CCSER2: variants seen among roughly 807,000 people sequenced by gnomAD.
The protein encoded by CCSER2 is serine-rich coiled-coil domain-containing protein 2.
A neutral mutation model predicts 92.3 loss-of-function variants in CCSER2; 46 were observed. The ratio of observed to expected loss-of-function variants is 0.50; its 90% confidence interval spans 0.39 to 0.64. The LOEUF is 0.64. CCSER2 is among the 30% of genes least tolerant of loss of function. The probability of loss-of-function intolerance (pLI) is 0.00; values close to 1 mark genes in which losing one functional copy is unlikely to be tolerated. For missense variants in CCSER2, 1,244 were observed against 1,238.9 expected, an observed-to-expected ratio of 1.00 and a Z score of -0.06; for synonymous variants, 433 against 431.4, an observed-to-expected ratio of 1.00 and a Z score of -0.04.
Position 84,445,932 on chromosome 10 carries a change from A to G in CCSER2, c.2064+7225A>G, listed in dbSNP as rs1372785719. Among the ~76,000 whole-genome samples the G allele has an allele frequency of 2.0e-5, 3 of 152,124 alleles. No individual in the cohort carries two copies. In the East Asian group the frequency reaches 5.8e-4, roughly 29 times the overall value. ...GTATTCTAGTATGTGTCTTTTGGTG[A>G]ACATATGTATGCATTTTTATTGTAT... On this transcript the variant is annotated intron_variant, in intron 6 of 9. Coordinates refer to ENST00000372088, the MANE Select transcript of CCSER2 (RefSeq NM_001284240.2).
At position 84,373,812 on chromosome 10, in the gene CCSER2, C is replaced by T. The variant is rs759249078; in HGVS notation, c.1611C>T (p.Ser537=). 1 of 1,613,590 alleles carries T rather than the reference C, an allele frequency of 6.2e-7. No individual in the cohort carries two copies. The highest frequency in any genetic ancestry group is 8.5e-7 in the Non-Finnish European group (1 of 1,179,706). The part of the protein sequence containing the change: ...VGSYESSEMN[S]IDILNNLESC... Reference sequence around the variant, plus strand: ...GCTATGAGTCCTCTGAAATGAACAGCATAGTATGTATGGATTTATATACTC... The same window carrying T: ...GCTATGAGTCCTCTGAAATGAACAGTATAGTATGTATGGATTTATATACTC... Residue 537 remains serine (S), a synonymous_variant, in exon 3 of 10, where the codon AGC becomes AGT. Coordinates refer to ENST00000372088, the MANE Select transcript of CCSER2 (RefSeq NM_001284240.2).
chr10:84,419,595 TCCA>T (rs1843041690), intron 4 of CCSER2, among the ~76,000 whole-genome samples: 1 of 152,118 alleles, frequency 6.6e-6, no homozygotes, highest in South Asian at 2.1e-4. Flanking sequence ...GAGGACAATA[TCCA>T]CCACTGTCTC....
intron 1 of CCSER2, among the ~76,000 whole-genome samples, chr10:84,344,110 A>C (rs1003750494): frequency 1.3e-5 from 2 of 152,180 alleles, no homozygotes; most frequent in African/African-American, 2.4e-5. Flanking sequence ...GCTGTTTAGT[A>C]TTGAAGAATT....
intron 5 of CCSER2, among the ~76,000 whole-genome samples, chr10:84,428,521 G>A (rs1253578256): frequency 2.0e-5 from 3 of 152,138 alleles, no homozygotes. Context: ...GGGCACCCCA[G>A]CTGTGGGATT....
At chr10:84,448,848 C>G (rs1449454680) in intron 6 of CCSER2, among the ~76,000 whole-genome samples, 2 of 152,060 alleles carry the variant, frequency 1.3e-5, no homozygotes, top group African/African-American at 4.8e-5. Context: ...CTTTTTGTTT[C>G]TGAATTTTTT....
At chr10:84,384,798 A>G (rs948618233) in intron 3 of CCSER2, among the ~76,000 whole-genome samples, 8 of 152,200 alleles carry the variant, frequency 5.3e-5, no homozygotes, top group Non-Finnish European at 8.8e-5. Flanking sequence ...AAGCCATCCA[A>G]ATTATAAAAG....
intron 5 of CCSER2, among the ~76,000 whole-genome samples, chr10:84,431,270 C>A (rs1193289043): frequency 6.6e-6 from 1 of 152,150 alleles, no homozygotes; most frequent in African/African-American, 2.4e-5. Flanking sequence ...ATTCATCCCT[C>A]CCTTCTTTTC....
At chr10:84,376,436 AAT>A (rs1409803367) in intron 3 of CCSER2, among the ~76,000 whole-genome samples, 1 of 152,092 alleles carries the variant, frequency 6.6e-6, no homozygotes, top group Non-Finnish European at 1.5e-5. Flanking sequence ...GGTCACTATA[AAT>A]TAGCTTTGAC....
At chr10:84,333,514 CTTA>C (rs575094839) in intron 1 of CCSER2, among the ~76,000 whole-genome samples, 141 of 152,280 alleles carry the variant, frequency 9.3e-4, no homozygotes, top group Middle Eastern at 6.8e-3. Context: ...AAAGTATTAT[CTTA>C]TTATCCATGC....
intron 9 of CCSER2, among the ~76,000 whole-genome samples, chr10:84,496,431 G>A (rs1207234216): frequency 2.6e-5 from 4 of 152,006 alleles, no homozygotes; most frequent in South Asian, 2.1e-4. Flanking sequence ...GACTACAGGC[G>A]CCCGCCACCA....
Position 84,384,867 on chromosome 10 carries a change from A to G in CCSER2, c.1614+11052A>G, listed in dbSNP as rs556063963. ...ATCTTATGCTTAGAAAACCCTAAAG[A>G]TTCCTCCAAAAGACTTTTAGAATTG... On this transcript the variant is annotated intron_variant, in intron 3 of 9. Coordinates refer to ENST00000372088, the MANE Select transcript of CCSER2 (RefSeq NM_001284240.2). Among the ~76,000 whole-genome samples, 16 of 152,288 alleles carry G rather than the reference A, an allele frequency of 1.1e-4. No homozygotes were observed. In the South Asian group the frequency reaches 3.3e-3, roughly 32 times the overall value.
At chr10:84,378,982 C>A (rs935476675) in intron 3 of CCSER2, among the ~76,000 whole-genome samples, 5 of 152,146 alleles carry the variant, frequency 3.3e-5, no homozygotes, top group African/African-American at 1.2e-4. Context: ...CAAGATCATG[C>A]TGGCTTTATA....
Position 84,342,982 on chromosome 10 carries a change from C to T in CCSER2, c.-40+14174C>T, listed in dbSNP as rs1589395200. ...CTGCCTCCCGGGTTCAAGCAATTCTCCTGCTTCAGCCTCCCAAGTAGCTAG... is the reference window on the plus strand; with the variant it reads ...CTGCCTCCCGGGTTCAAGCAATTCTTCTGCTTCAGCCTCCCAAGTAGCTAG... On this transcript the variant is annotated intron_variant, in intron 1 of 9. Coordinates refer to ENST00000372088, the MANE Select transcript of CCSER2 (RefSeq NM_001284240.2). Among the ~76,000 whole-genome samples the T allele has an allele frequency of 2.0e-5, 3 of 152,290 alleles. No individual in the cohort carries two copies. The South Asian group carries it at 6.2e-4, about 32-fold the overall frequency.
chr10:84,404,158 C>T (rs12250438), intron 3 of CCSER2, among the ~76,000 whole-genome samples: 18,504 of 152,174 alleles, frequency 0.12, 3,263 homozygotes, highest in African/African-American at 0.39. Context: ...AAGGAGCCAC[C>T]TCTGTTCTGA....
At chr10:84,332,569 G>A (rs1453653389) in intron 1 of CCSER2, among the ~76,000 whole-genome samples, 3 of 149,450 alleles carry the variant, frequency 2.0e-5, no homozygotes, top group Non-Finnish European at 4.4e-5. Flanking sequence ...CTCCCCAGTA[G>A]CTGGGACTAC....
Position 84,371,766 on chromosome 10 carries a change from A to G in CCSER2, c.714A>G (p.Ile238Met), listed in dbSNP as rs757348605. 1.7e-5 allele frequency: 28 copies of G among 1,613,524 alleles called. No individual in the cohort carries two copies. The highest frequency in any genetic ancestry group is 1.5e-5 in the Non-Finnish European group (18 of 1,179,734). The change falls in exon 2 of 10, where the codon ATA becomes ATG. Residue 238 changes from isoleucine to methionine, a missense_variant. Coordinates refer to ENST00000372088, the MANE Select transcript of CCSER2 (RefSeq NM_001284240.2). Reference protein sequence around the residue: ...IQNSFLPPSSITRSHSFNRAV... With the variant: ...IQNSFLPPSSMTRSHSFNRAV... ...ATTCATTCCTTCCACCTTCATCTATAACCAGATCACATTCCTTTAATAGAG... is the reference window on the plus strand; with the variant it reads ...ATTCATTCCTTCCACCTTCATCTATGACCAGATCACATTCCTTTAATAGAG...
intron 9 of CCSER2, among the ~76,000 whole-genome samples, chr10:84,489,714 T>C (rs1455715310): frequency 6.6e-6 from 1 of 152,250 alleles, no homozygotes; most frequent in Admixed American, 6.5e-5. Flanking sequence ...CTGTGTCTTT[T>C]AATTGGAGCA....
chr10:84,427,188 G>A (rs925362236), intron 5 of CCSER2, among the ~76,000 whole-genome samples: 3 of 152,192 alleles, frequency 2.0e-5, no homozygotes, highest in Non-Finnish European at 4.4e-5. Flanking sequence ...CTTAGGGGTT[G>A]CTAATTTGAC....
intron 9 of CCSER2, among the ~76,000 whole-genome samples, chr10:84,501,919 A>G (rs1393837643): frequency 1.5e-5 from 2 of 135,980 alleles, no homozygotes; most frequent in African/African-American, 5.2e-5. Flanking sequence ...TGCATCTAAA[A>G]GCACTGGCCC....
Sources: gnomAD v4.1 joint callset for allele counts (sites outside exome capture counted in the v4.1 genomes callset) on GRCh38, gnomAD v4.1.1 for gene constraint, MANE v1.5 for transcripts, NCBI Gene and HGNC (gene_info 2026-07-23, HGNC 2026-07-21) for gene names.